NEGR1: variants seen among roughly 807,000 people sequenced by gnomAD.
The protein encoded by NEGR1 is neuronal growth regulator 1.
Under a neutral mutation model 40.9 loss-of-function variants are expected in NEGR1, and 10 were observed. That is an observed-to-expected ratio of 0.24 (90% confidence interval 0.15 to 0.42). The LOEUF (loss-of-function observed/expected upper bound fraction) is 0.42, where lower values mean the gene tolerates loss of function less well. Ranked by LOEUF, NEGR1 falls within the 10% of genes least tolerant of loss-of-function variation. NEGR1 has a pLI of 1.00. For missense variants in NEGR1, 352 were observed against 438.9 expected, an observed-to-expected ratio of 0.80 and a Z score of 1.77; for synonymous variants, 185 against 166.8, an observed-to-expected ratio of 1.11 and a Z score of -0.84.
intron 2 of NEGR1, among the ~76,000 whole-genome samples, chr1:71,908,862 A>G (rs1343231453): frequency 6.6e-6 from 1 of 152,206 alleles, no homozygotes; most frequent in African/African-American, 2.4e-5. Flanking sequence ...ACCAAAATAG[A>G]TATTAAATAA....
intron 6 of NEGR1, among the ~76,000 whole-genome samples, chr1:71,534,598 A>T (rs1647457047): frequency 6.6e-6 from 1 of 151,894 alleles, no homozygotes; most frequent in East Asian, 2.0e-4. Flanking sequence ...CATCTATCAG[A>T]CATTGCAATT....
chr1:72,253,592 G>A (rs1655172656), intron 1 of NEGR1, among the ~76,000 whole-genome samples: 1 of 152,144 alleles, frequency 6.6e-6, no homozygotes, highest in Non-Finnish European at 1.5e-5. Flanking sequence ...ATAAGTAAGT[G>A]TTCATGCAGA....
chr1:71,772,679 G>C (rs1164010806), intron 3 of NEGR1, among the ~76,000 whole-genome samples: 1 of 152,076 alleles, frequency 6.6e-6, no homozygotes, highest in Non-Finnish European at 1.5e-5. Flanking sequence ...GTTATGTAAA[G>C]AAAATGTCTA....
At chr1:72,167,704 C>A (rs1454086573) in intron 1 of NEGR1, among the ~76,000 whole-genome samples, 2 of 151,858 alleles carry the variant, frequency 1.3e-5, no homozygotes, top group African/African-American at 4.8e-5. Flanking sequence ...TCTTTTTTCC[C>A]TGAAGCTATA....
At chr1:71,691,701 C>T (rs1653287015) in intron 4 of NEGR1, among the ~76,000 whole-genome samples, 1 of 151,696 alleles carries the variant, frequency 6.6e-6, no homozygotes, top group Non-Finnish European at 1.5e-5. Flanking sequence ...AATTCACTAA[C>T]TCTCACCTCA....
chr1:72,032,194 T>C (rs1167783099), intron 1 of NEGR1, among the ~76,000 whole-genome samples: 5 of 152,192 alleles, frequency 3.3e-5, no homozygotes, highest in Non-Finnish European at 7.3e-5. Flanking sequence ...TAGCTGGGTA[T>C]GATCACTCTA....
In NEGR1 at chr1:71,692,138, G is replaced by A. The variant is rs997663799; in HGVS notation, c.667+5870C>T. On this transcript the variant is annotated intron_variant, in intron 4 of 6. Transcript: ENST00000357731. ...GCTGTAGCACCTTGATTCTCTTATA[G>A]TAAGCAGTAAGTAAATAACTAAGTG... is the stretch of plus-strand genomic sequence containing the variant. Among the ~76,000 whole-genome samples, 31 of 151,554 alleles carry A rather than the reference G, an allele frequency of 2.0e-4. 1 individual carries two copies. Among genetic ancestry groups the A allele is most frequent in the African/African-American group, 6.5e-4 (27 of 41,352 alleles).
chr1:71,836,008 T>C (rs1659014719), intron 2 of NEGR1, among the ~76,000 whole-genome samples: 1 of 152,084 alleles, frequency 6.6e-6, no homozygotes, highest in African/African-American at 2.4e-5. Context: ...CTGGCCTCCC[T>C]GGTGATTAGC....
intron 1 of NEGR1, among the ~76,000 whole-genome samples, chr1:72,226,541 G>A (rs1054313311): frequency 6.6e-6 from 1 of 151,862 alleles, no homozygotes. Flanking sequence ...ACTGTCCAAG[G>A]AGAACTTACA....
chr1:71,703,957 A>C (rs1299020341), intron 3 of NEGR1, among the ~76,000 whole-genome samples: 1 of 152,024 alleles, frequency 6.6e-6, no homozygotes, highest in Admixed American at 6.6e-5. Flanking sequence ...AATCATGTCA[A>C]AGAAAAGTAG....
At position 71,775,994 on chromosome 1, in the gene NEGR1, A is replaced by AAAATAAAT. The variant is rs34165866; in HGVS notation, c.535+170_535+177dup. Among the ~76,000 whole-genome samples the AAAATAAAT allele has an allele frequency of 2.2e-3, 319 of 141,824 alleles. 3 individuals are homozygous for AAAATAAAT. The highest frequency in any genetic ancestry group is 3.0e-3 in the East Asian group (14 of 4,648). The allele number at this position is 141,824 out of a possible 152,430, so 93.0% of individuals were successfully genotyped here. ...GGGGACAGAGTAAGACTCTGTCTCA[A>AAAATAAAT]AAATAAATAAATAAATAAATAAATA... On this transcript the variant is annotated intron_variant, in intron 3 of 6. Transcript: ENST00000357731.
chr1:71,852,623 T>C (rs1294340193), intron 2 of NEGR1, among the ~76,000 whole-genome samples: 1 of 152,044 alleles, frequency 6.6e-6, no homozygotes, highest in African/African-American at 2.4e-5. Context: ...TTTTGTTTTG[T>C]TTTGTTTTAA....
At position 71,436,153 on chromosome 1, in the gene NEGR1, C is replaced by A. The variant is rs552023101; in HGVS notation, c.941-28583G>T. 3.3e-5 allele frequency among the ~76,000 whole-genome samples: 5 copies of A among 151,714 alleles called. No homozygotes were observed. In the South Asian group the frequency reaches 8.3e-4, roughly 25 times the overall value. ...AAATTCCTGCTGGAGGAAACAGTGT[C>A]CAGATGTTGTACATGAATTCACAGG... is the stretch of plus-strand genomic sequence containing the variant. On this transcript the variant is annotated intron_variant, in intron 6 of 6. Coordinates refer to ENST00000357731, the MANE Select transcript of NEGR1 (RefSeq NM_173808.3).
chr1:72,195,954 A>C (rs1189165993), intron 1 of NEGR1, among the ~76,000 whole-genome samples: 1 of 152,028 alleles, frequency 6.6e-6, no homozygotes, highest in Non-Finnish European at 1.5e-5. Context: ...TGCATTAACT[A>C]GGTAAATTAG....
At chr1:71,802,187 GAAAT>G (rs1316075175) in intron 2 of NEGR1, among the ~76,000 whole-genome samples, 6 of 151,898 alleles carry the variant, frequency 4.0e-5, no homozygotes, top group African/African-American at 1.2e-4. Context: ...AGAAAGGAGA[GAAAT>G]AAAGAGAAGA....
At chr1:71,415,248 G>A (rs555634438) in intron 6 of NEGR1, among the ~76,000 whole-genome samples, 1 of 151,454 alleles carries the variant, frequency 6.6e-6, no homozygotes, top group Non-Finnish European at 1.5e-5. Context: ...CTCTATTTTT[G>A]TGTTATAAAT....
chr1:71,810,421 A>T (rs1051266838), intron 2 of NEGR1, among the ~76,000 whole-genome samples: 2 of 152,164 alleles, frequency 1.3e-5, no homozygotes, highest in African/African-American at 4.8e-5. Context: ...TTCCAGTCAG[A>T]TAATCTAATT....
At chr1:72,141,980 G>T (rs1353481163) in intron 1 of NEGR1, among the ~76,000 whole-genome samples, 1 of 152,004 alleles carries the variant, frequency 6.6e-6, no homozygotes, top group African/African-American at 2.4e-5. Context: ...AAAGTCAGCA[G>T]CTAATAAAGA....
chr1:71,415,084 G>T (rs902834474), intron 6 of NEGR1, among the ~76,000 whole-genome samples: 10 of 151,362 alleles, frequency 6.6e-5, no homozygotes, highest in African/African-American at 2.4e-4. Flanking sequence ...GAGGCCAAAG[G>T]TCATAGAAAA....
Sources: gnomAD v4.1 joint callset for allele counts (sites outside exome capture counted in the v4.1 genomes callset) on GRCh38, gnomAD v4.1.1 for gene constraint, MANE v1.5 for transcripts, NCBI Gene and HGNC (gene_info 2026-07-23, HGNC 2026-07-21) for gene names.